The following SORCS2 variants were observed in gnomAD, a reference collection of about 807,000 sequenced individuals.
SORCS2 encodes the protein sortilin related VPS10 domain containing receptor 2, also known as VPS10 domain-containing receptor SorCS2.
A neutral mutation model predicts 141.6 loss-of-function variants in SORCS2; 100 were observed. The ratio of observed to expected loss-of-function variants is 0.71; its 90% CI spans 0.60 to 0.83. SORCS2 has a LOEUF of 0.83. Among genes scored for constraint, SORCS2 ranks in the 40% least tolerant of loss-of-function variants. The probability of loss-of-function intolerance (pLI) is 0.00; values close to 1 mark genes in which losing one functional copy is unlikely to be tolerated. For missense variants in SORCS2, 1,646 were observed against 1,560.2 expected, an observed-to-expected ratio of 1.05 and a Z score of -0.93; for synonymous variants, 789 against 676.9, an observed-to-expected ratio of 1.17 and a Z score of -2.57.
intron 1 of SORCS2, among the ~76,000 whole-genome samples, chr4:7,243,161 T>C (rs1172887366): frequency 7.2e-5 from 11 of 152,172 alleles, no homozygotes; most frequent in Non-Finnish European, 1.2e-4. Context: ...TCTGGGGGAT[T>C]GCACTTAGTT....
intron 1 of SORCS2, among the ~76,000 whole-genome samples, chr4:7,311,664 TG>T (rs1560183265): frequency 6.6e-6 from 1 of 152,222 alleles, no homozygotes; most frequent in African/African-American, 2.4e-5. Flanking sequence ...AGCTTCTTTA[TG>T]GGGGCTTATT....
chr4:7,249,769 C>T (rs573354226), intron 1 of SORCS2, among the ~76,000 whole-genome samples: 6 of 152,154 alleles, frequency 3.9e-5, no homozygotes, highest in Non-Finnish European at 7.3e-5. Context: ...TCCCCTCCTG[C>T]GGTATTGACA....
intron 1 of SORCS2, among the ~76,000 whole-genome samples, chr4:7,379,493 G>C (rs1040151014): frequency 4.6e-5 from 7 of 152,248 alleles, no homozygotes; most frequent in Admixed American, 4.6e-4. Context: ...TGGCTGGGCT[G>C]CTGCAATTAC....
chr4:7,374,454 G>A (rs1437284352), intron 1 of SORCS2, among the ~76,000 whole-genome samples: 1 of 152,076 alleles, frequency 6.6e-6, no homozygotes, highest in Non-Finnish European at 1.5e-5. Flanking sequence ...AATGAAAATC[G>A]GGTGCCACGC....
Position 7,676,931 on chromosome 4 carries a change from C to T in SORCS2, c.1341+702C>T, listed in dbSNP as rs1199958924. Among the ~76,000 whole-genome samples, 106 of 25,954 alleles carry T rather than the reference C, an allele frequency of 4.1e-3. 5 individuals carry two copies. The highest frequency in any genetic ancestry group is 8.6e-3 in the East Asian group (6 of 696). The allele number at this position is 25,954 out of a possible 152,430, so 17.0% of individuals were successfully genotyped here. ...CCCTCTCTCCCTCTCTCCCTCTCTC[C>T]CTCTCTCCCTCTCTCCCTCTGCCTT... is the stretch of plus-strand genomic sequence containing the variant. On this transcript the variant is annotated intron_variant, in intron 9 of 26. Transcript: ENST00000507866.
intron 3 of SORCS2, among the ~76,000 whole-genome samples, 182 bp from the exon 4 acceptor site, chr4:7,638,146 T>C (rs1560445759): frequency 6.6e-6 from 1 of 152,044 alleles, no homozygotes; most frequent in Non-Finnish European, 1.5e-5. Context: ...GGGCCCGCCA[T>C]TTCTGGGCAC....
intron 1 of SORCS2, among the ~76,000 whole-genome samples, chr4:7,270,395 G>A (rs953929237): frequency 1.3e-5 from 2 of 152,182 alleles, no homozygotes; most frequent in South Asian, 2.1e-4. Flanking sequence ...TCTAAACCCC[G>A]GCTCCGGGAA....
At chr4:7,259,307 G>T (rs990074253) in intron 1 of SORCS2, among the ~76,000 whole-genome samples, 2 of 152,110 alleles carry the variant, frequency 1.3e-5, no homozygotes, top group African/African-American at 4.8e-5. Context: ...GCTGAGGTCC[G>T]CAGAGTTCAA....
chr4:7,438,283 C>G (rs1348047575), intron 2 of SORCS2, among the ~76,000 whole-genome samples: 1 of 152,188 alleles, frequency 6.6e-6, no homozygotes, highest in East Asian at 1.9e-4. Context: ...TAGAATGTCC[C>G]TCTGTGCAGG....
intron 1 of SORCS2, among the ~76,000 whole-genome samples, chr4:7,281,373 G>A (rs1306093105): frequency 6.6e-6 from 1 of 152,134 alleles, no homozygotes; most frequent in Non-Finnish European, 1.5e-5. Flanking sequence ...CATTCGGGGT[G>A]TCCCCTCCTC....
At chr4:7,660,181 A>G (rs567170399) in intron 5 of SORCS2, among the ~76,000 whole-genome samples, 1 of 152,298 alleles carries the variant, frequency 6.6e-6, no homozygotes, top group South Asian at 2.1e-4. Context: ...TTGCCTCTCA[A>G]GACAGAAGCT....
intron 2 of SORCS2, among the ~76,000 whole-genome samples, chr4:7,398,416 C>T (rs922714681): frequency 6.6e-6 from 1 of 152,326 alleles, no homozygotes; most frequent in Non-Finnish European, 1.5e-5. Flanking sequence ...TGAAATGTCC[C>T]TAGAACAGTA....
At chr4:7,386,176 C>CAT (rs1723289975) in intron 1 of SORCS2, among the ~76,000 whole-genome samples, 3 of 112,710 alleles carry the variant, frequency 2.7e-5, no homozygotes, top group Non-Finnish European at 3.8e-5. Context: ...CACATGCGCA[C>CAT]GCACACACAT....
intron 9 of SORCS2, among the ~76,000 whole-genome samples, chr4:7,677,856 C>G (rs1040557160): frequency 6.6e-6 from 1 of 152,194 alleles, no homozygotes; most frequent in Non-Finnish European, 1.5e-5. Flanking sequence ...AGCGCCCACC[C>G]CCACCCCTAG....
intron 3 of SORCS2, among the ~76,000 whole-genome samples, chr4:7,603,638 A>G (rs192859236): frequency 7.2e-5 from 11 of 152,328 alleles, no homozygotes; most frequent in Admixed American, 4.6e-4. Flanking sequence ...TCCAATATTT[A>G]AAGTCTTTGG....
intron 3 of SORCS2, among the ~76,000 whole-genome samples, chr4:7,534,182 T>C (rs572431176): frequency 1.3e-5 from 2 of 152,174 alleles, no homozygotes; most frequent in East Asian, 1.9e-4. Flanking sequence ...AATGAGTGAA[T>C]GAATGAGTGT....
intron 2 of SORCS2, among the ~76,000 whole-genome samples, chr4:7,421,851 GC>G (rs1726086905): frequency 2.0e-5 from 3 of 151,646 alleles, no homozygotes; most frequent in Non-Finnish European, 2.9e-5. Context: ...AATCCAGTGG[GC>G]TTGCAGGAGA....
chr4:7,383,747 C>A (rs192889316), intron 1 of SORCS2, among the ~76,000 whole-genome samples: 7 of 152,170 alleles, frequency 4.6e-5, no homozygotes, highest in East Asian at 1.9e-4. Context: ...AACAAAAAAA[C>A]CAAAACAGCA....
At chr4:7,609,969 C>T (rs956646728) in intron 3 of SORCS2, among the ~76,000 whole-genome samples, 1 of 152,202 alleles carries the variant, frequency 6.6e-6, no homozygotes, top group Non-Finnish European at 1.5e-5. Context: ...GTGCTCGGGG[C>T]GGATAGCGCC....
Sources: allele counts gnomAD v4.1 joint callset (sites outside exome capture counted in the v4.1 genomes callset), GRCh38; gene constraint gnomAD v4.1.1; transcripts MANE v1.5; gene names NCBI Gene and HGNC (gene_info 2026-07-23, HGNC 2026-07-21).